The following MYO3B variants were observed in gnomAD, a reference collection of about 807,000 sequenced individuals.
The protein encoded by MYO3B is myosin-IIIb.
MYO3B carries 156 observed loss-of-function variants against 174.6 expected under a neutral mutation model. That is an observed-to-expected ratio of 0.89 (90% CI 0.78 to 1.02). The LOEUF (loss-of-function observed/expected upper bound fraction) is 1.02, where lower values mean the gene tolerates loss of function less well. Ranked by LOEUF, MYO3B falls within the 50% of genes least tolerant of loss-of-function variation. The pLI is 0.00. For synonymous variants in MYO3B, 563 were observed against 569.1 expected (o/e 0.99, Z 0.15); for missense variants, 1,632 against 1,639.4 (o/e 1.00, Z 0.08).
At chr2:170,585,005 C>T (rs1465693385) in intron 32 of MYO3B, among the ~76,000 whole-genome samples, 1 of 152,222 alleles carries the variant, frequency 6.6e-6, no homozygotes, top group Non-Finnish European at 1.5e-5. Context: ...CAGCAGTTCT[C>T]AACCTTGGCT....
chr2:170,562,478 A>C (rs531867394), intron 32 of MYO3B, among the ~76,000 whole-genome samples: 1 of 152,330 alleles, frequency 6.6e-6, no homozygotes, highest in East Asian at 1.9e-4. Flanking sequence ...CCAAAAGCCG[A>C]CAAAACCCAA....
chr2:170,627,303 A>G (rs1463724882), intron 32 of MYO3B, among the ~76,000 whole-genome samples: 1 of 151,888 alleles, frequency 6.6e-6, no homozygotes, highest in Non-Finnish European at 1.5e-5. Flanking sequence ...CATTCATTTG[A>G]TCTTCCATCA....
At chr2:170,217,208 T>C in intron 5 of MYO3B, 111 bp from the exon 6 acceptor site, 2 of 863,222 alleles carry the variant, frequency 2.3e-6, no homozygotes, top group Admixed American at 1.7e-5. Flanking sequence ...AGAGACCATA[T>C]GGCCCACAAA....
At chr2:170,439,690 T>A (rs760292678) in intron 22 of MYO3B, among the ~76,000 whole-genome samples, 1 of 152,138 alleles carries the variant, frequency 6.6e-6, no homozygotes, top group African/African-American at 2.4e-5. Context: ...TAGTTTCAGT[T>A]CTTTTTTTGA....
intron 25 of MYO3B, among the ~76,000 whole-genome samples, chr2:170,481,054 A>G (rs1158404113): frequency 6.6e-6 from 1 of 152,246 alleles, no homozygotes; most frequent in Admixed American, 6.5e-5. Context: ...GCAGCACAGA[A>G]GAACCCAGAC....
At chr2:170,448,181 C>T (rs1029877967) in intron 23 of MYO3B, among the ~76,000 whole-genome samples, 1 of 152,120 alleles carries the variant, frequency 6.6e-6, no homozygotes, top group African/African-American at 2.4e-5. Flanking sequence ...TGGGAAAGGG[C>T]TGTTATTGTC....
chr2:170,520,724 G>T (rs990873903), intron 30 of MYO3B, among the ~76,000 whole-genome samples: 1 of 152,022 alleles, frequency 6.6e-6, no homozygotes, highest in Non-Finnish European at 1.5e-5. Flanking sequence ...TGCAGGGCCC[G>T]ATACCCTGGC....
intron 7 of MYO3B, among the ~76,000 whole-genome samples, chr2:170,260,031 A>G (rs763070952): frequency 2.0e-5 from 3 of 152,120 alleles, no homozygotes; most frequent in Non-Finnish European, 2.9e-5. Context: ...AATATCTCAC[A>G]TTAGTCAGAA....
At chr2:170,529,026 T>G (rs1165707793) in intron 30 of MYO3B, among the ~76,000 whole-genome samples, 1 of 152,242 alleles carries the variant, frequency 6.6e-6, no homozygotes, top group Non-Finnish European at 1.5e-5. Flanking sequence ...AATCATGTAC[T>G]CAAGATTCCA....
intron 8 of MYO3B, among the ~76,000 whole-genome samples, chr2:170,362,508 G>T (rs778600817): frequency 1.3e-5 from 2 of 152,120 alleles, no homozygotes; most frequent in Non-Finnish European, 2.9e-5. Context: ...CTCTATTCCC[G>T]TTACTCATTT....
intron 23 of MYO3B, among the ~76,000 whole-genome samples, chr2:170,448,501 T>C (rs1300451338): frequency 6.6e-6 from 1 of 152,096 alleles, no homozygotes; most frequent in African/African-American, 2.4e-5. Context: ...GTAAGAGGAG[T>C]AGAACTGCTT....
chr2:170,519,294 C>A, intron 29 of MYO3B, 144 bp from the exon 30 acceptor site: 1 of 582,718 alleles, frequency 1.7e-6, no homozygotes, highest in Non-Finnish European at 3.0e-6. Flanking sequence ...ATTTTAATGA[C>A]ATATCCTAGA....
At chr2:170,510,946 G>A (rs1407290168) in intron 28 of MYO3B, among the ~76,000 whole-genome samples, 1 of 152,074 alleles carries the variant, frequency 6.6e-6, no homozygotes, top group Non-Finnish European at 1.5e-5. Context: ...CAGAATTTCA[G>A]TGTATAGATG....
At chr2:170,255,751 T>TC (rs2093299296) in intron 7 of MYO3B, among the ~76,000 whole-genome samples, 1 of 152,176 alleles carries the variant, frequency 6.6e-6, no homozygotes. Flanking sequence ...TCAGAGTGTT[T>TC]CCTTACCTAT....
At chr2:170,590,950 A>G (rs1693785914) in intron 32 of MYO3B, among the ~76,000 whole-genome samples, 1 of 152,190 alleles carries the variant, frequency 6.6e-6, no homozygotes, top group Non-Finnish European at 1.5e-5. Context: ...TTACCTTGAG[A>G]GACTATGTCT....
intron 8 of MYO3B, among the ~76,000 whole-genome samples, chr2:170,343,058 C>G (rs1382090183): frequency 6.9e-6 from 1 of 145,528 alleles, no homozygotes; most frequent in East Asian, 1.9e-4. Flanking sequence ...CACACACACA[C>G]ACACACACAC....
intron 6 of MYO3B, among the ~76,000 whole-genome samples, chr2:170,230,047 C>G (rs115139149): frequency 1.3e-5 from 2 of 152,286 alleles, no homozygotes; most frequent in African/African-American, 4.8e-5. Flanking sequence ...GTAACTACAA[C>G]TTCTGATTCC....
At chr2:170,527,118 C>A (rs994319897) in intron 30 of MYO3B, among the ~76,000 whole-genome samples, 5 of 152,116 alleles carry the variant, frequency 3.3e-5, no homozygotes, top group Non-Finnish European at 5.9e-5. Context: ...GACATACAGA[C>A]AAGGGCAAGA....
chr2:170,525,241 G>A (rs1312894810), intron 30 of MYO3B, among the ~76,000 whole-genome samples: 1 of 152,216 alleles, frequency 6.6e-6, no homozygotes, highest in African/African-American at 2.4e-5. Context: ...CAAGTTGAAA[G>A]TAAAAGTGAG....
Sources: allele counts gnomAD v4.1 joint callset (sites outside exome capture counted in the v4.1 genomes callset), GRCh38; gene constraint gnomAD v4.1.1; transcripts MANE v1.5; gene names NCBI Gene and HGNC (gene_info 2026-07-23, HGNC 2026-07-21).